CNTNAP5: variants seen among roughly 807,000 people sequenced by gnomAD.
CNTNAP5 encodes contactin associated protein family member 5.
Under a neutral mutation model 150.2 loss-of-function variants are expected in CNTNAP5, and 72 were observed. The observed-to-expected ratio is 0.48, with a 90% CI of 0.40 to 0.58. The LOEUF (loss-of-function observed/expected upper bound fraction) is 0.58, where lower values mean the gene tolerates loss of function less well. Among genes scored for constraint, CNTNAP5 ranks in the 20% least tolerant of loss-of-function variants. CNTNAP5 has a pLI of 0.00. For synonymous variants in CNTNAP5, 672 were observed against 619.8 expected (o/e 1.08, Z -1.25); for missense variants, 1,636 against 1,626.2 (o/e 1.01, Z -0.10).
intron 10 of CNTNAP5, among the ~76,000 whole-genome samples, chr2:124,531,442 T>A (rs756143438): frequency 3.9e-5 from 6 of 152,090 alleles, no homozygotes; most frequent in Non-Finnish European, 8.8e-5. Flanking sequence ...CAAAGAAAAG[T>A]CACTTTCAAT....
At chr2:124,514,640 G>C (rs1305591352) in intron 8 of CNTNAP5, among the ~76,000 whole-genome samples, 1 of 152,174 alleles carries the variant, frequency 6.6e-6, no homozygotes, top group Admixed American at 6.6e-5. Context: ...ATGTGCCTGG[G>C]ACACTGGGGA....
intron 13 of CNTNAP5, among the ~76,000 whole-genome samples, chr2:124,663,356 G>T (rs1469897648): frequency 6.6e-6 from 1 of 152,084 alleles, no homozygotes; most frequent in African/African-American, 2.4e-5. Context: ...TCACTCAAAA[G>T]CTATCTGAGT....
At chr2:124,343,017 G>A (rs1219257910) in intron 3 of CNTNAP5, among the ~76,000 whole-genome samples, 1 of 152,014 alleles carries the variant, frequency 6.6e-6, no homozygotes, top group Non-Finnish European at 1.5e-5. Context: ...ATACTTCCTT[G>A]AAGAAACAAC....
At chr2:124,828,601 G>T (rs750333844) in intron 19 of CNTNAP5, among the ~76,000 whole-genome samples, 3 of 151,624 alleles carry the variant, frequency 2.0e-5, no homozygotes, top group Non-Finnish European at 4.4e-5. Context: ...TCTCTTCTTA[G>T]TCCTATCTAA....
At chr2:124,628,276 G>T (rs542050452) in intron 12 of CNTNAP5, among the ~76,000 whole-genome samples, 2 of 152,230 alleles carry the variant, frequency 1.3e-5, no homozygotes, top group African/African-American at 2.4e-5. Context: ...ATTCTCCAAG[G>T]TTGAAATGAA....
chr2:124,175,270 C>T (rs2165077), intron 1 of CNTNAP5, among the ~76,000 whole-genome samples: 63,674 of 151,670 alleles, frequency 0.42, 13,960 homozygotes, highest in East Asian at 0.6. Context: ...TATAATTTAG[C>T]ACCCTACTTT....
At chr2:124,706,792 A>AAGAAGAAGAAGAAGAAGG (rs1679655743) in intron 13 of CNTNAP5, among the ~76,000 whole-genome samples, 1 of 24,540 alleles carries the variant, frequency 4.1e-5, no homozygotes, top group Non-Finnish European at 8.4e-5. Flanking sequence ...GAAGAAGAAG[A>AAGAAGAAGAAGAAGAAGG]AGAAGGAGGA....
At chr2:124,299,457 C>T (rs1002529669) in intron 3 of CNTNAP5, among the ~76,000 whole-genome samples, 6 of 152,104 alleles carry the variant, frequency 3.9e-5, no homozygotes, top group African/African-American at 7.2e-5. Context: ...TCTGTTCCTG[C>T]GTTAGTTTGC....
chr2:124,169,296 G>C (rs952171657), intron 1 of CNTNAP5, among the ~76,000 whole-genome samples: 5 of 152,094 alleles, frequency 3.3e-5, no homozygotes, highest in African/African-American at 7.2e-5. Flanking sequence ...GGACATGAAG[G>C]CTTTGATGAT....
chr2:124,161,445 GCCCAT>G (rs940909368), intron 1 of CNTNAP5, among the ~76,000 whole-genome samples: 6 of 152,094 alleles, frequency 3.9e-5, no homozygotes, highest in Admixed American at 2.6e-4. Context: ...GCCTTGCATG[GCCCAT>G]GCAAACCCAA....
At chr2:124,095,302 C>G (rs1330477978) in intron 1 of CNTNAP5, among the ~76,000 whole-genome samples, 1 of 152,106 alleles carries the variant, frequency 6.6e-6, no homozygotes, top group African/African-American at 2.4e-5. Flanking sequence ...AACGAGAACA[C>G]ATGGACATGA....
Position 124,419,140 on chromosome 2 carries a change from CAAAAAAAAAA to C in CNTNAP5, c.529+1564_529+1573del, listed in dbSNP as rs778863758. On this transcript the variant is annotated intron_variant, in intron 4 of 23. Transcript: ENST00000682447. The stretch of plus-strand genomic sequence containing the variant: ...TGGGCGACAGAGCGAGACTCCTTCT[CAAAAAAAAAA>C]AAAAAAAAAAAAACAGTATGAAGCT... Among the ~76,000 whole-genome samples, 2 of 28,914 alleles carry C rather than the reference CAAAAAAAAAA, an allele frequency of 6.9e-5. 1 individual carries two copies. Among genetic ancestry groups the C allele is most frequent in the East Asian group, 3.8e-3 (2 of 524 alleles). The allele number at this position is 28,914 out of a possible 152,430, so 19.0% of individuals were successfully genotyped here.
At chr2:124,634,404 T>C (rs1187448435) in intron 12 of CNTNAP5, among the ~76,000 whole-genome samples, 5 of 152,186 alleles carry the variant, frequency 3.3e-5, no homozygotes, top group Non-Finnish European at 5.9e-5. Flanking sequence ...AATGCTACCA[T>C]GTTCTTTACT....
At chr2:124,912,488 C>A (rs1046811358) in intron 23 of CNTNAP5, among the ~76,000 whole-genome samples, 2 of 151,948 alleles carry the variant, frequency 1.3e-5, no homozygotes, top group African/African-American at 2.4e-5. Context: ...GGAGGAGGTA[C>A]AAATGGCTAT....
At chr2:124,303,280 CAT>C (rs1165681326) in intron 3 of CNTNAP5, among the ~76,000 whole-genome samples, 2 of 152,206 alleles carry the variant, frequency 1.3e-5, no homozygotes, top group African/African-American at 4.8e-5. Context: ...TGTTTGGACA[CAT>C]AGCCAGAGTG....
intron 11 of CNTNAP5, among the ~76,000 whole-genome samples, chr2:124,592,752 T>G (rs1184334978): frequency 6.6e-6 from 1 of 152,080 alleles, no homozygotes; most frequent in Non-Finnish European, 1.5e-5. Context: ...TTATTTGCAT[T>G]TATTTTTCTA....
chr2:124,251,856 G>T (rs1488470229), intron 3 of CNTNAP5, among the ~76,000 whole-genome samples: 2 of 152,144 alleles, frequency 1.3e-5, no homozygotes, highest in East Asian at 3.9e-4. Context: ...GAGAGCTAGA[G>T]TTCCACGAAT....
At chr2:124,211,139 T>C (rs998567095) in intron 1 of CNTNAP5, among the ~76,000 whole-genome samples, 1 of 152,172 alleles carries the variant, frequency 6.6e-6, no homozygotes, top group African/African-American at 2.4e-5. Flanking sequence ...TGGTACAGAA[T>C]TATCCTACAT....
At position 124,618,727 on chromosome 2, in the gene CNTNAP5, G is replaced by T. The variant is rs567903790; in HGVS notation, c.1876+8807G>T. Among the ~76,000 whole-genome samples, 4 of 152,256 alleles carry T rather than the reference G, an allele frequency of 2.6e-5. No individual in the cohort carries two copies. The South Asian group carries it at 8.3e-4, about 32-fold the overall frequency. ...AGTGGAACTGGTGGGGCAAGTGGAA[G>T]ATTTCCATATTGACCTGCTTAAAGG... On this transcript the variant is annotated intron_variant, in intron 12 of 23. Transcript: ENST00000682447.
Sources: allele counts gnomAD v4.1 joint callset (sites outside exome capture counted in the v4.1 genomes callset), GRCh38; gene constraint gnomAD v4.1.1; transcripts MANE v1.5; gene names NCBI Gene and HGNC (gene_info 2026-07-23, HGNC 2026-07-21).